NDUFAF2: variants seen among roughly 807,000 people sequenced by gnomAD.
The protein encoded by NDUFAF2 is NADH:ubiquinone oxidoreductase complex assembly factor 2, also known as NADH dehydrogenase [ubiquinone] 1 alpha subcomplex assembly factor 2.
Under a neutral mutation model 22.8 loss-of-function variants are expected in NDUFAF2, and 13 were observed. That is an observed-to-expected ratio of 0.57 (90% CI 0.37 to 0.91). NDUFAF2 has a LOEUF of 0.91. Ranked by LOEUF, NDUFAF2 falls within the 40% of genes least tolerant of loss-of-function variation. NDUFAF2 has a pLI of 0.01. For missense variants in NDUFAF2, 162 were observed against 195.2 expected, an observed-to-expected ratio of 0.83 and a Z score of 1.01; for synonymous variants, 53 against 64.2, an observed-to-expected ratio of 0.83 and a Z score of 0.84.
At chr5:61,134,604 T>C (rs1174789158) in intron 3 of NDUFAF2, among the ~76,000 whole-genome samples, 3 of 152,142 alleles carry the variant, frequency 2.0e-5, no homozygotes, top group Non-Finnish European at 2.9e-5. Context: ...GAGAATGGCA[T>C]GAACCCAGGA....
At chr5:60,992,859 T>G (rs919808205) in intron 1 of NDUFAF2, among the ~76,000 whole-genome samples, 1 of 152,206 alleles carries the variant, frequency 6.6e-6, no homozygotes. Context: ...TCTCCTGTCC[T>G]GTAAGGTTTT....
intron 1 of NDUFAF2, among the ~76,000 whole-genome samples, chr5:61,025,334 T>C (rs1317413120): frequency 1.3e-5 from 2 of 152,112 alleles, no homozygotes; most frequent in Admixed American, 1.3e-4. Flanking sequence ...TACTGCATTG[T>C]CTTGTTGAAT....
At chr5:61,100,250 T>C (rs1237689724) in intron 3 of NDUFAF2, among the ~76,000 whole-genome samples, 3 of 152,154 alleles carry the variant, frequency 2.0e-5, no homozygotes, top group Non-Finnish European at 4.4e-5. Flanking sequence ...ACTGTTATCA[T>C]TTGCTTCATC....
At chr5:60,993,123 ACAGT>A (rs1207782674) in intron 1 of NDUFAF2, among the ~76,000 whole-genome samples, 2 of 152,260 alleles carry the variant, frequency 1.3e-5, no homozygotes, top group African/African-American at 2.4e-5. Context: ...GCCACTGCAC[ACAGT>A]CAGGCACACC....
At chr5:61,019,931 A>G (rs1751557300) in intron 1 of NDUFAF2, among the ~76,000 whole-genome samples, 1 of 152,098 alleles carries the variant, frequency 6.6e-6, no homozygotes, top group Non-Finnish European at 1.5e-5. Flanking sequence ...TTTAACAGTT[A>G]GATATTCTGG....
intron 1 of NDUFAF2, among the ~76,000 whole-genome samples, chr5:61,066,514 A>C (rs1280817417): frequency 6.6e-6 from 1 of 152,086 alleles, no homozygotes; most frequent in African/African-American, 2.4e-5. Context: ...ACAGTACGGT[A>C]CTGGCATAAT....
At chr5:61,136,045 A>ATATATATATATATATAT (rs1740933042) in intron 3 of NDUFAF2, among the ~76,000 whole-genome samples, 1 of 119,390 alleles carries the variant, frequency 8.4e-6, no homozygotes, top group African/African-American at 3.3e-5. Context: ...ATATATATCT[A>ATATATATATATATATAT]GGGTGGATTG....
At position 60,990,750 on chromosome 5, in the gene NDUFAF2, C is replaced by T. The variant is rs1013115233; in HGVS notation, c.127+45368C>T. Among the ~76,000 whole-genome samples the T allele has an allele frequency of 5.9e-5, 9 of 152,050 alleles. No homozygotes were observed. The South Asian group carries it at 8.3e-4, about 14-fold the overall frequency. On this transcript the variant is annotated intron_variant, in intron 1 of 3. Coordinates refer to ENST00000296597, the MANE Select transcript of NDUFAF2 (RefSeq NM_174889.5). Reference sequence around the variant, plus strand: ...AACTCCAATTTTATTTCAGAAATCACGTAACCACCTTGAAGATGAAAGATA... The same window carrying T: ...AACTCCAATTTTATTTCAGAAATCATGTAACCACCTTGAAGATGAAAGATA...
chr5:60,964,553 C>T (rs974701151), intron 1 of NDUFAF2, among the ~76,000 whole-genome samples: 3 of 151,592 alleles, frequency 2.0e-5, no homozygotes, highest in South Asian at 2.1e-4. Context: ...CAGGTTCAAG[C>T]GATTCTCCTG....
chr5:61,102,225 G>A (rs1752712670), intron 3 of NDUFAF2, among the ~76,000 whole-genome samples: 1 of 152,130 alleles, frequency 6.6e-6, no homozygotes, highest in African/African-American at 2.4e-5. Context: ...GCTGAAAGCA[G>A]CCATGAAAAA....
intron 1 of NDUFAF2, among the ~76,000 whole-genome samples, chr5:61,023,403 G>A (rs1430462014): frequency 1.3e-5 from 2 of 151,996 alleles, no homozygotes; most frequent in Non-Finnish European, 2.9e-5. Context: ...AGTATTTGAA[G>A]GGTAATTTGC....
intron 3 of NDUFAF2, among the ~76,000 whole-genome samples, chr5:61,144,205 A>ACAT (rs2111829089): frequency 6.6e-6 from 1 of 152,250 alleles, no homozygotes; most frequent in East Asian, 1.9e-4. Context: ...ATATATATGT[A>ACAT]CATATAAGGT....
At chr5:61,045,354 T>A (rs1322074622) in intron 1 of NDUFAF2, among the ~76,000 whole-genome samples, 1 of 147,684 alleles carries the variant, frequency 6.8e-6, no homozygotes, top group Non-Finnish European at 1.5e-5. Context: ...ATTTTTATTT[T>A]AAAATTTCAT....
chr5:60,972,773 G>GTTTTTTTTTTTTTTTGTTTTTTTTTT (rs35076688), intron 1 of NDUFAF2, among the ~76,000 whole-genome samples: 1 of 103,924 alleles, frequency 9.6e-6, no homozygotes, highest in Admixed American at 9.7e-5. Flanking sequence ...TGTGTATTCT[G>GTTTTTTTTTTTTTTTGTTTTTTTTTT]TTTTTTTTTT....
At chr5:61,007,688 T>C (rs2112595283) in intron 1 of NDUFAF2, among the ~76,000 whole-genome samples, 1 of 152,248 alleles carries the variant, frequency 6.6e-6, no homozygotes, top group South Asian at 2.1e-4. Flanking sequence ...ATAGGAACAC[T>C]TTTACACTGT....
intron 1 of NDUFAF2, among the ~76,000 whole-genome samples, chr5:60,960,224 T>TA (rs1750666516): frequency 6.6e-6 from 1 of 152,174 alleles, no homozygotes; most frequent in Non-Finnish European, 1.5e-5. Context: ...GAGGGTTTTG[T>TA]AATTGCTTTA....
chr5:61,059,308 A>G (rs1752135451), intron 1 of NDUFAF2, among the ~76,000 whole-genome samples: 1 of 152,134 alleles, frequency 6.6e-6, no homozygotes, highest in Non-Finnish European at 1.5e-5. Flanking sequence ...TTAACGGTCA[A>G]TAAGAGTTTA....
At chr5:61,140,275 A>C (rs927924993) in intron 3 of NDUFAF2, among the ~76,000 whole-genome samples, 7 of 152,180 alleles carry the variant, frequency 4.6e-5, no homozygotes, top group African/African-American at 1.7e-4. Flanking sequence ...TTCCTATTGA[A>C]TATCTTAACA....
chr5:61,145,143 C>T (rs1051079638), intron 3 of NDUFAF2, among the ~76,000 whole-genome samples: 1 of 152,080 alleles, frequency 6.6e-6, no homozygotes, highest in Non-Finnish European at 1.5e-5. Context: ...GTCATTACTA[C>T]ACATAGCAAG....
Sources: allele counts gnomAD v4.1 joint callset (sites outside exome capture counted in the v4.1 genomes callset), GRCh38; gene constraint gnomAD v4.1.1; transcripts MANE v1.5; gene names NCBI Gene and HGNC (gene_info 2026-07-23, HGNC 2026-07-21).